The following ZNF223 variants were observed in gnomAD, a reference collection of about 807,000 sequenced individuals.
The protein encoded by ZNF223 is Homo sapiens zinc finger protein 223.
Under a neutral mutation model 12.3 loss-of-function variants are expected in ZNF223, and 9 were observed. The observed-to-expected ratio is 0.73, with a 90% CI of 0.44 to 1.28. ZNF223 has a LOEUF of 1.28. Ranked by LOEUF, ZNF223 falls within the 50% of genes most tolerant of loss-of-function variation. ZNF223 has a pLI of 0.00. For missense variants in ZNF223, 506 were observed against 579.0 expected (o/e 0.87, Z 1.29); for synonymous variants, 171 against 195.2 (o/e 0.88, Z 1.03).
At chr19:44,056,577 G>T (rs1473115346) in intron 2 of ZNF223, among the ~76,000 whole-genome samples, 1 of 121,618 alleles carries the variant, frequency 8.2e-6, no homozygotes, top group East Asian at 2.4e-4. Context: ...GGCATAAAAT[G>T]CCTCACCATT....
chr19:44,052,465 T>C (rs192400835), intron 1 of ZNF223, among the ~76,000 whole-genome samples: 9 of 152,308 alleles, frequency 5.9e-5, no homozygotes, highest in African/African-American at 2.2e-4. Flanking sequence ...TAGAATTGTT[T>C]TGCGAATTGA....
At chr19:44,057,766 G>T (rs1313771508) in intron 2 of ZNF223, among the ~76,000 whole-genome samples, 4 of 152,196 alleles carry the variant, frequency 2.6e-5, no homozygotes, top group African/African-American at 9.7e-5. Flanking sequence ...TGCCTTGCGA[G>T]TACAGAAGAC....
At chr19:44,057,657 G>T (rs953004531) in intron 2 of ZNF223, among the ~76,000 whole-genome samples, 6 of 152,298 alleles carry the variant, frequency 3.9e-5, no homozygotes, top group South Asian at 2.1e-4. Flanking sequence ...ACATGTCTGA[G>T]GTCACATGGT....
At chr19:44,051,964 G>A (rs1334325207), upstream of ZNF223, 1 of 152,272 alleles carries the variant, frequency 6.6e-6, no homozygotes, top group Non-Finnish European at 1.5e-5. Flanking sequence ...TTGGCTCAGG[G>A]GGGCGGGTCC....
intron 4 of ZNF223, among the ~76,000 whole-genome samples, chr19:44,065,578 T>G (rs1643867562): frequency 6.2e-5 from 2 of 32,124 alleles, no homozygotes; most frequent in South Asian, 3.6e-3. Context: ...CTTTCTTTTC[T>G]TTTTTTTTTT....
chr19:44,065,462 AAATTT>A (rs1976895180), intron 4 of ZNF223, among the ~76,000 whole-genome samples: 1 of 152,128 alleles, frequency 6.6e-6, no homozygotes, highest in Non-Finnish European at 1.5e-5. Context: ...ACTGAGTTGG[AAATTT>A]TAAAAACAGT....
Position 44,060,439 on chromosome 19 carries a change from A to G in ZNF223, c.16-16A>G, listed in dbSNP as rs1467241200. The stretch of plus-strand genomic sequence containing the variant: ...ATTGGTAGTGAGATTGAGGTTGCAT[A>G]TGTTTGATGCTGTAGGAGGCAGTGA... On this transcript the variant is annotated splice_polypyrimidine_tract_variant and intron_variant, in intron 2 of 4. Transcript: ENST00000434772. 1 of 1,613,454 alleles carries G rather than the reference A, an allele frequency of 6.2e-7. No homozygotes were observed. Among genetic ancestry groups the G allele is most frequent in the African/African-American group, 1.3e-5 (1 of 74,884 alleles).
At chr19:44,065,038 G>A (rs1250028966) in intron 4 of ZNF223, among the ~76,000 whole-genome samples, 1 of 152,068 alleles carries the variant, frequency 6.6e-6, no homozygotes, top group Admixed American at 6.6e-5. Context: ...AAATCACATC[G>A]TTATTTTTTC....
intron 2 of ZNF223, among the ~76,000 whole-genome samples, chr19:44,056,236 C>T (rs1368243077): frequency 6.6e-6 from 1 of 151,392 alleles, no homozygotes; most frequent in Non-Finnish European, 1.5e-5. Flanking sequence ...TTTTCTTTGG[C>T]TGGGCGCGGT....
In ZNF223 at chr19:44,066,647, C is replaced by T. The variant is rs1976919186; in HGVS notation, c.819C>T (p.Phe273=). 6.2e-7 allele frequency: 1 copy of T among 1,614,056 alleles called. No homozygotes were observed. Among genetic ancestry groups the T allele is most frequent in the Non-Finnish European group, 8.5e-7 (1 of 1,180,032 alleles). ...EACGRAFIHD[F]QLQKHQRIHT... ...GTGGGAGGGCCTTCATTCATGATTT[C>T]CAGCTTCAGAAACATCAGAGAATTC... Residue 273 remains phenylalanine, a synonymous_variant, in exon 5 of 5, where the codon TTC becomes TTT. Transcript: ENST00000434772.
intron 1 of ZNF223, among the ~76,000 whole-genome samples, chr19:44,053,548 G>A (rs1479885478): frequency 6.6e-6 from 1 of 152,202 alleles, no homozygotes; most frequent in East Asian, 1.9e-4. Flanking sequence ...TCAGTAAATA[G>A]AATGTACGAT....
At position 44,067,174 on chromosome 19, in the gene ZNF223, ACCACAGTGGAGAAAAT is replaced by A. The variant is rs1976931973; in HGVS notation, c.1350_1365del (p.Ser451ProfsTer14). The A allele has an allele frequency of 6.2e-7, 1 of 1,612,508 alleles. No individual in the cohort carries two copies. Among genetic ancestry groups the A allele is most frequent in the Non-Finnish European group, 8.5e-7 (1 of 1,179,714 alleles). On this transcript the variant is annotated frameshift_variant, in exon 5 of 5. Transcript: ENST00000434772. LOFTEE classifies it low-confidence loss of function (END_TRUNC). ...TCATACCGTAAAGACCAACAAAAAAACCACAGTGGAGAAAATCCATCCAAATGTGAAGACTGTGGGA... is the reference window on the plus strand; with the variant it reads ...TCATACCGTAAAGACCAACAAAAAAACCATCCAAATGTGAAGACTGTGGGA...
At chr19:44,053,531 T>C (rs945569547) in intron 1 of ZNF223, among the ~76,000 whole-genome samples, 2 of 152,226 alleles carry the variant, frequency 1.3e-5, no homozygotes, top group Non-Finnish European at 2.9e-5. Context: ...GGCGGTTTTC[T>C]CCTATCTCAG....
At chr19:44,062,378 G>C (rs190230851) in intron 4 of ZNF223, among the ~76,000 whole-genome samples, 1 of 152,284 alleles carries the variant, frequency 6.6e-6, no homozygotes, top group Admixed American at 6.5e-5. Context: ...CATTCACAAG[G>C]ATTCAACATA....
In ZNF223 at chr19:44,055,125, C is replaced by T. The variant is rs762759818; in HGVS notation, c.-52C>T. On this transcript the variant is annotated 5_prime_UTR_variant, in exon 2 of 5. Coordinates refer to ENST00000434772, the MANE Select transcript of ZNF223 (RefSeq NM_013361.6). ...ACTTTCCAGGCACAATTCTGCTTTCCCTGGAACTGTGTCATTCAGGACTCT... is the reference window on the plus strand; with the variant it reads ...ACTTTCCAGGCACAATTCTGCTTTCTCTGGAACTGTGTCATTCAGGACTCT... 1.2e-6 allele frequency: 2 copies of T among 1,602,304 alleles called. No individual in the cohort carries two copies. The highest frequency in any genetic ancestry group is 8.5e-7 in the Non-Finnish European group (1 of 1,170,764).
intron 3 of ZNF223, 36 bp downstream of exon 3, chr19:44,060,617 C>A: frequency 6.2e-7 from 1 of 1,613,480 alleles, no homozygotes; most frequent in African/African-American, 1.3e-5. Flanking sequence ...GAATGTCAGG[C>A]CCCAGGAGTG....
intron 4 of ZNF223, among the ~76,000 whole-genome samples, chr19:44,065,577 C>CTTTTTTTTT (rs758805971): frequency 1.1e-4 from 12 of 113,762 alleles, no homozygotes; most frequent in South Asian, 3.1e-4. Context: ...TCTTTCTTTT[C>CTTTTTTTTT]TTTTTTTTTT....
Position 44,067,439 on chromosome 19 carries a change from T to C in ZNF223, c.*162T>C, listed in dbSNP as rs1037697649. On this transcript the variant is annotated 3_prime_UTR_variant, in exon 5 of 5. Coordinates refer to ENST00000434772, the MANE Select transcript of ZNF223 (RefSeq NM_013361.6). ...TTCCAGCAGTTTGAAAATAAATTGTTGTCGATGATAGTCACCTTTAGTGCT... is the reference window on the plus strand; with the variant it reads ...TTCCAGCAGTTTGAAAATAAATTGTCGTCGATGATAGTCACCTTTAGTGCT... 17 of 910,338 alleles carry C rather than the reference T, an allele frequency of 1.9e-5. No individual in the cohort carries two copies. The Admixed American group carries it at 2.8e-4, about 15-fold the overall frequency. 56.4% of individuals were successfully genotyped at this position (910,338 alleles called of 1,614,324 possible).
chr19:44,064,930 T>C (rs946220446), intron 4 of ZNF223, among the ~76,000 whole-genome samples: 12 of 152,064 alleles, frequency 7.9e-5, no homozygotes, highest in African/African-American at 2.9e-4. Flanking sequence ...CAAGTAATTA[T>C]TGGGGCTCCA....
Sources: gnomAD v4.1 joint callset for allele counts (sites outside exome capture counted in the v4.1 genomes callset) on GRCh38, gnomAD v4.1.1 for gene constraint, MANE v1.5 for transcripts, NCBI Gene and HGNC (gene_info 2026-07-23, HGNC 2026-07-21) for gene names.